WSCD2: variants seen among roughly 807,000 people sequenced by gnomAD.
WSCD2 encodes sialate:O-sulfotransferase 2.
In WSCD2, 28 loss-of-function variants were observed where a neutral mutation model predicts 55.7. The ratio of observed to expected loss-of-function variants is 0.50; its 90% CI spans 0.37 to 0.69. The LOEUF is 0.69. WSCD2 is among the 30% of genes least tolerant of loss of function. The probability of loss-of-function intolerance (pLI) is 0.00; values close to 1 mark genes in which losing one functional copy is unlikely to be tolerated. For missense variants in WSCD2, 616 were observed against 762.1 expected (o/e 0.81, Z 2.26); for synonymous variants, 301 against 301.9 (o/e 1.00, Z 0.03).
chr12:108,201,769 C>T lies in WSCD2; in HGVS notation c.383-4520C>T, dbSNP rs931639962. Among the ~76,000 whole-genome samples, 2 of 152,124 alleles carry T rather than the reference C, an allele frequency of 1.3e-5. 1 individual carries two copies. The highest frequency in any genetic ancestry group is 1.3e-4 in the Admixed American group (2 of 15,264). On this transcript the variant is annotated intron_variant, in intron 2 of 8. Coordinates refer to ENST00000547525, the MANE Select transcript of WSCD2 (RefSeq NM_014653.4). ...ACAAATTAGTTCATGTTTAGCTACC[C>T]TTTTAACAAATCACCTTCATTGAAG...
At chr12:108,131,614 G>A (rs1475566198) in intron 1 of WSCD2, 19 of 152,328 alleles carry the variant, frequency 1.2e-4, no homozygotes, top group Admixed American at 1.2e-3. Context: ...TGGGTCTTGT[G>A]TGGGGCATCT....
chr12:108,212,126 G>A (rs1886269981), intron 4 of WSCD2, among the ~76,000 whole-genome samples: 1 of 152,198 alleles, frequency 6.6e-6, no homozygotes, highest in African/African-American at 2.4e-5. Flanking sequence ...AGAGGGCAGA[G>A]GACAGAGGTA....
chr12:108,177,739 T>C (rs528628685), intron 1 of WSCD2, among the ~76,000 whole-genome samples: 3 of 152,014 alleles, frequency 2.0e-5, no homozygotes, highest in South Asian at 2.1e-4. Context: ...CCTGGGCAAA[T>C]AGTGAGGCCC....
At chr12:108,175,996 T>C (rs1433285531) in intron 1 of WSCD2, among the ~76,000 whole-genome samples, 1 of 151,986 alleles carries the variant, frequency 6.6e-6, no homozygotes, top group Non-Finnish European at 1.5e-5. Flanking sequence ...CCCGCCACCA[T>C]GCCCGGCTAA....
intron 7 of WSCD2, among the ~76,000 whole-genome samples, chr12:108,238,525 G>A (rs150600516): frequency 2.0e-3 from 302 of 152,272 alleles, no homozygotes; most frequent in African/African-American, 6.8e-3. Context: ...TTGATGATAC[G>A]GGGCGACTTC....
chr12:108,158,116 G>C (rs1053865243), intron 1 of WSCD2, among the ~76,000 whole-genome samples: 1 of 152,076 alleles, frequency 6.6e-6, no homozygotes. Context: ...GCCCGGTTGT[G>C]GGCTACACAT....
At chr12:108,151,959 C>T (rs921348419) in intron 1 of WSCD2, among the ~76,000 whole-genome samples, 15 of 152,210 alleles carry the variant, frequency 9.9e-5, no homozygotes, top group Non-Finnish European at 1.5e-5. Flanking sequence ...CTGGCCCAGA[C>T]GGGAGAATGG....
intron 8 of WSCD2, among the ~76,000 whole-genome samples, chr12:108,241,455 C>T (rs4964668): frequency 0.71 from 107,423 of 152,052 alleles, 38,750 homozygotes; most frequent in Middle Eastern, 0.79. Flanking sequence ...CTGAGGGCTT[C>T]GGAAAAGGCT....
intron 2 of WSCD2, among the ~76,000 whole-genome samples, chr12:108,199,363 T>C (rs558521871): frequency 1.4e-4 from 22 of 152,246 alleles, no homozygotes; most frequent in African/African-American, 5.3e-4. Context: ...GCACCCAGGC[T>C]GAGCTGAGGC....
chr12:108,209,421 T>G (rs923071198), intron 3 of WSCD2, among the ~76,000 whole-genome samples: 5 of 151,882 alleles, frequency 3.3e-5, no homozygotes, highest in African/African-American at 1.2e-4. Context: ...TGTCTCAGGT[T>G]TCCAGACAGG....
In WSCD2 at chr12:108,248,270, A is replaced by G; in HGVS notation, c.1625A>G (p.Tyr542Cys). 6.2e-7 allele frequency: 1 copy of G among 1,614,192 alleles called. No individual in the cohort carries two copies. The highest frequency in any genetic ancestry group is 8.5e-7 in the Non-Finnish European group (1 of 1,180,024). ...GACATGCAGAAGACCATCTCTGCCT[A>G]CATCAAGATGGTGGATGCAGCCCTC... The part of the protein sequence containing the change: ...TADMQKTISA[Y>C]IKMVDAALKG... Residue 542 changes from tyrosine to cysteine, a missense_variant, in exon 9 of 9, where the codon TAC (tyrosine) becomes TGC (cysteine). Tyr to Cys is a radical substitution (Grantham distance 194). This residue lies in a region of WSCD2 where 234 missense variants were observed against 264.6 expected (regional missense o/e 0.88). Coordinates refer to ENST00000547525, the MANE Select transcript of WSCD2 (RefSeq NM_014653.4). This position sits in a 1 kb window ranked among gnomAD's most constrained non-coding sequence, Gnocchi z 4.3.
intron 1 of WSCD2, among the ~76,000 whole-genome samples, chr12:108,146,115 T>C (rs1877365731): frequency 6.6e-6 from 1 of 152,270 alleles, no homozygotes; most frequent in African/African-American, 2.4e-5. Flanking sequence ...GTGCATTCAT[T>C]GTGCAAACTG....
intron 4 of WSCD2, among the ~76,000 whole-genome samples, chr12:108,223,869 T>G (rs1887795476): frequency 6.6e-6 from 1 of 152,132 alleles, no homozygotes; most frequent in Non-Finnish European, 1.5e-5. Flanking sequence ...AACTCTGTAG[T>G]GCAATTTCTC....
At chr12:108,231,824 C>A (rs752806683) in intron 6 of WSCD2, among the ~76,000 whole-genome samples, 10 of 151,804 alleles carry the variant, frequency 6.6e-5, no homozygotes, top group Admixed American at 6.6e-5. Flanking sequence ...CAATTGTGAT[C>A]AACAATATGA....
At chr12:108,208,312 GT>G (rs997411072) in intron 3 of WSCD2, among the ~76,000 whole-genome samples, 5 of 152,204 alleles carry the variant, frequency 3.3e-5, no homozygotes, top group Admixed American at 2.6e-4. Flanking sequence ...AATATTAACT[GT>G]TTAACTTCAC....
rs1452024585 is a variant in WSCD2 at position 108,145,351 on chromosome 12, G to A, written c.-552+15425G>A. Among the ~76,000 whole-genome samples the A allele has an allele frequency of 4.6e-5, 7 of 152,180 alleles. No individual in the cohort carries two copies. The South Asian group carries it at 8.3e-4, about 18-fold the overall frequency. On this transcript the variant is annotated intron_variant, in intron 1 of 8. Coordinates refer to ENST00000547525, the MANE Select transcript of WSCD2 (RefSeq NM_014653.4). Reference sequence around the variant, plus strand: ...TTCCTTAAGGCTTTGTGATTACAGCGTTGTGTGTTGATCTAACCAACCTGC... The same window carrying A: ...TTCCTTAAGGCTTTGTGATTACAGCATTGTGTGTTGATCTAACCAACCTGC...
intron 1 of WSCD2, among the ~76,000 whole-genome samples, chr12:108,154,421 TCCTTCTCC>T (rs992644505): frequency 6.6e-6 from 1 of 152,170 alleles, no homozygotes; most frequent in African/African-American, 2.4e-5. Flanking sequence ...TTGTCTTCTC[TCCTTCTCC>T]GACTCTGACC....
intron 1 of WSCD2, among the ~76,000 whole-genome samples, chr12:108,165,951 G>A (rs894513703): frequency 6.6e-6 from 1 of 152,196 alleles, no homozygotes; most frequent in Non-Finnish European, 1.5e-5. Flanking sequence ...AAGCATTTGA[G>A]AGGTGTTGAA....
At chr12:108,206,429 T>G (rs1237782384) in intron 3 of WSCD2, 26 bp downstream of exon 3, 1 of 1,606,558 alleles carries the variant, frequency 6.2e-7, no homozygotes, top group Non-Finnish European at 8.5e-7. Context: ...CCCAGACTTG[T>G]CCATTTCAGG....
Sources: gnomAD v4.1 joint callset for allele counts (sites outside exome capture counted in the v4.1 genomes callset) on GRCh38, gnomAD v4.1.1 for gene constraint, gnomAD v4.1.1 regional missense constraint, Gnocchi (gnomAD v3.1) non-coding constraint, MANE v1.5 for transcripts, NCBI Gene and HGNC (gene_info 2026-07-23, HGNC 2026-07-21) for gene names.